The following ST18 variants were observed in gnomAD, a reference collection of about 807,000 sequenced individuals.
The protein encoded by ST18 is suppression of tumorigenicity 18 protein.
ST18 carries 50 observed loss-of-function variants against 110.0 expected under a neutral mutation model. The ratio of observed to expected loss-of-function variants is 0.45; its 90% CI spans 0.36 to 0.58. The LOEUF is 0.58. Among genes scored for constraint, ST18 ranks in the 20% least tolerant of loss-of-function variants. The pLI, the probability that ST18 is intolerant of heterozygous loss-of-function variation, is 0.00. For missense variants in ST18, 1,306 were observed against 1,280.1 expected (o/e 1.02, Z -0.31); for synonymous variants, 461 against 452.4 (o/e 1.02, Z -0.24).
chr8:52,283,995 T>A (rs557075692), intron 2 of ST18, among the ~76,000 whole-genome samples: 1 of 152,316 alleles, frequency 6.6e-6, no homozygotes, highest in South Asian at 2.1e-4. Context: ...GATTTTAAAA[T>A]GGGATCAGTC....
chr8:52,228,562 G>A (rs546298297), intron 3 of ST18, among the ~76,000 whole-genome samples: 4 of 152,114 alleles, frequency 2.6e-5, no homozygotes, highest in Admixed American at 1.3e-4. Flanking sequence ...ATGGTGAGGC[G>A]GCACAGTAGT....
In ST18 at chr8:52,226,151, A is replaced by G. The variant is rs142312050; in HGVS notation, c.-419+3881T>C. On this transcript the variant is annotated intron_variant, in intron 3 of 25. Coordinates refer to ENST00000689386, the MANE Select transcript of ST18 (RefSeq NM_001352837.2). ...CAAATCTCCATGCTAAACTGAGAAA[A>G]CAATGAATCTGGCACAAGGAGACAT... is the stretch of plus-strand genomic sequence containing the variant. 1.9e-3 allele frequency among the ~76,000 whole-genome samples: 283 copies of G among 152,338 alleles called. 2 individuals carry two copies. Among genetic ancestry groups the G allele is most frequent in the African/African-American group, 6.3e-3 (262 of 41,574 alleles).
At chr8:52,307,150 C>T (rs1199035499) in intron 2 of ST18, among the ~76,000 whole-genome samples, 5 of 150,628 alleles carry the variant, frequency 3.3e-5, no homozygotes, top group Non-Finnish European at 7.4e-5. Flanking sequence ...GGGATCCTGC[C>T]TCTAGAAAAA....
chr8:52,204,219 C>T (rs545263195), intron 8 of ST18, among the ~76,000 whole-genome samples: 1 of 152,278 alleles, frequency 6.6e-6, no homozygotes, highest in South Asian at 2.1e-4. Flanking sequence ...GATTAACATT[C>T]CCCAAGAATT....
At chr8:52,357,508 C>G (rs899977730) in intron 2 of ST18, among the ~76,000 whole-genome samples, 24 of 150,158 alleles carry the variant, frequency 1.6e-4, no homozygotes, top group African/African-American at 5.1e-4. Flanking sequence ...CAAATAGTAA[C>G]TGAAAGAGAG....
intron 22 of ST18, among the ~76,000 whole-genome samples, chr8:52,126,349 C>T (rs2047061706): frequency 6.6e-6 from 1 of 152,162 alleles, no homozygotes; most frequent in African/African-American, 2.4e-5. Flanking sequence ...GCTTTCTTTC[C>T]TTAAATCAAG....
chr8:52,172,240 G>A lies in ST18; in HGVS notation c.621C>T (p.Ser207=). ...GTGGTTTGGTTTCTTCTGAGAAGTTGGAGCCACTGTCCCAGCCATTTTCTG... is the reference window on the plus strand; with the variant it reads ...GTGGTTTGGTTTCTTCTGAGAAGTTAGAGCCACTGTCCCAGCCATTTTCTG... ...ESAENGWDSG[S]NFSEETKPPR... The change falls in exon 10 of 26, where the codon TCC becomes TCT. Residue 207 remains serine, a synonymous_variant. Coordinates refer to ENST00000689386, the MANE Select transcript of ST18 (RefSeq NM_001352837.2). The A allele has an allele frequency of 6.2e-7, 1 of 1,614,132 alleles. No individual in the cohort carries two copies. The highest frequency in any genetic ancestry group is 8.5e-7 in the Non-Finnish European group (1 of 1,180,022).
chr8:52,212,041 A>G (rs1166401613), intron 8 of ST18, 38 bp downstream of exon 8: 1 of 1,591,090 alleles, frequency 6.3e-7, no homozygotes, highest in Non-Finnish European at 8.6e-7. Context: ...ATCAAGGCCC[A>G]TTAATGTGAA....
rs191118560 is a variant in ST18 at position 52,234,885 on chromosome 8, G to T, written c.-464-4808C>A. On this transcript the variant is annotated intron_variant, in intron 2 of 25. Transcript: ENST00000689386. ...AGGAATGGAAAACCAAACATTATAT[G>T]TTCTCACATGTAAGTGGGAGCTAAG... 2.0e-3 allele frequency among the ~76,000 whole-genome samples: 305 copies of T among 152,194 alleles called. 2 individuals carry two copies. Among genetic ancestry groups the T allele is most frequent in the Admixed American group, 0.015 (236 of 15,282 alleles).
At chr8:52,122,215 A>G (rs1396113851) in intron 23 of ST18, among the ~76,000 whole-genome samples, 1 of 152,138 alleles carries the variant, frequency 6.6e-6, no homozygotes, top group East Asian at 1.9e-4. Flanking sequence ...AAAGCAATAG[A>G]TTATGCTTTC....
rs533888414 is a variant in ST18 at position 52,328,784 on chromosome 8, AT to A, written c.-465+80543del. On this transcript the variant is annotated intron_variant, in intron 2 of 25. Transcript: ENST00000689386. ...CAGTTTAATTTTTCCAATAAAAAAA[AT>A]ACCAGCATTTTTTGGTAAGTGGACT... Among the ~76,000 whole-genome samples the A allele has an allele frequency of 1.8e-3, 272 of 152,332 alleles. 2 individuals carry two copies. The highest frequency in any genetic ancestry group is 6.0e-3 in the African/African-American group (251 of 41,580).
chr8:52,117,628 A>G (rs1256102424), intron 24 of ST18, among the ~76,000 whole-genome samples: 2 of 152,044 alleles, frequency 1.3e-5, no homozygotes, highest in East Asian at 3.8e-4. Flanking sequence ...ATGGATTAAA[A>G]CCCTTTGTCT....
rs575698648 is a variant in ST18, at chr8:52,274,806, T to C, written c.-464-44729A>G. Reference sequence around the variant, plus strand: ...ATGTTTTGGAGTCTATAAAAAACGGTTAATTTCATAGTTTAATAATTCTTG... The same window carrying C: ...ATGTTTTGGAGTCTATAAAAAACGGCTAATTTCATAGTTTAATAATTCTTG... On this transcript the variant is annotated intron_variant, in intron 2 of 25. Transcript: ENST00000689386. Among the ~76,000 whole-genome samples, 3 of 152,322 alleles carry C rather than the reference T, an allele frequency of 2.0e-5. 1 individual carries two copies. The South Asian group carries it at 6.2e-4, about 32-fold the overall frequency.
intron 2 of ST18, among the ~76,000 whole-genome samples, chr8:52,297,841 A>G (rs1463981076): frequency 1.3e-5 from 2 of 152,262 alleles, no homozygotes; most frequent in African/African-American, 4.8e-5. Context: ...TGCCCAGGAA[A>G]AAAAGTGATC....
At position 52,133,471 on chromosome 8, in the gene ST18, G is replaced by C. The variant is rs113328149; in HGVS notation, c.2301-170C>G. On this transcript the variant is annotated intron_variant, in intron 19 of 25. Transcript: ENST00000689386. ...CAAATGTAACTAAAAACAAAGAGCTGCTTTCTGTGTGAGACTGTTTTTGCT... is the reference window on the plus strand; with the variant it reads ...CAAATGTAACTAAAAACAAAGAGCTCCTTTCTGTGTGAGACTGTTTTTGCT... Among the ~76,000 whole-genome samples, 4 of 152,252 alleles carry C rather than the reference G, an allele frequency of 2.6e-5. 1 individual carries two copies. Among genetic ancestry groups the C allele is most frequent in the African/African-American group, 9.6e-5 (4 of 41,550 alleles).
chr8:52,131,833 T>G, intron 22 of ST18, 125 bp downstream of exon 22: 1 of 750,086 alleles, frequency 1.3e-6, no homozygotes, highest in East Asian at 2.7e-5. Context: ...CAAGACTTCA[T>G]GTTATGACAT....
chr8:52,343,987 T>A (rs1280785177), intron 2 of ST18, among the ~76,000 whole-genome samples: 1 of 152,228 alleles, frequency 6.6e-6, no homozygotes, highest in Non-Finnish European at 1.5e-5. Context: ...TTTATGCAGA[T>A]GATAATGTAA....
chr8:52,142,537 C>T (rs902220331), intron 17 of ST18, among the ~76,000 whole-genome samples: 3 of 152,274 alleles, frequency 2.0e-5, no homozygotes, highest in Admixed American at 1.3e-4. Flanking sequence ...GGGTACCCTG[C>T]TCTTTAACCT....
At chr8:52,372,875 G>A (rs1406321033) in intron 2 of ST18, among the ~76,000 whole-genome samples, 1 of 152,228 alleles carries the variant, frequency 6.6e-6, no homozygotes, top group Non-Finnish European at 1.5e-5. Flanking sequence ...TTATGGTTAT[G>A]AAGCTGGGTA....
Sources: allele counts gnomAD v4.1 joint callset (sites outside exome capture counted in the v4.1 genomes callset), GRCh38; gene constraint gnomAD v4.1.1; transcripts MANE v1.5; gene names NCBI Gene and HGNC (gene_info 2026-07-23, HGNC 2026-07-21).